The following PCDHA7 variants were observed in gnomAD, a reference collection of about 807,000 sequenced individuals.
PCDHA7 encodes protocadherin alpha-7.
A neutral mutation model predicts 57.2 loss-of-function variants in PCDHA7; 37 were observed. The ratio of observed to expected loss-of-function variants is 0.65; its 90% CI spans 0.50 to 0.85. The LOEUF (loss-of-function observed/expected upper bound fraction) is 0.85, where lower values mean the gene tolerates loss of function less well. Among genes scored for constraint, PCDHA7 ranks in the 40% least tolerant of loss-of-function variants. PCDHA7 has a pLI of 0.00. For missense variants in PCDHA7, 1,188 were observed against 1,241.8 expected (o/e 0.96, Z 0.65); for synonymous variants, 553 against 558.8 (o/e 0.99, Z 0.15).
chr5:140,885,670 C>T (rs1351720729), intron 1 of PCDHA7, among the ~76,000 whole-genome samples: 2 of 152,138 alleles, frequency 1.3e-5, no homozygotes, highest in African/African-American at 4.8e-5. Flanking sequence ...TATGAGCACT[C>T]TTTCTATCTC....
intron 1 of PCDHA7, chr5:140,847,744 C>T (rs1554141887): frequency 6.7e-6 from 1 of 149,678 alleles, no homozygotes; most frequent in Non-Finnish European, 1.5e-5. Flanking sequence ...ATTTTCTCCC[C>T]ACGCAACACA....
chr5:140,834,481 A>G lies in PCDHA7; in HGVS notation c.98A>G (p.Tyr33Cys). The G allele has an allele frequency of 3.7e-6, 6 of 1,614,090 alleles. No individual in the cohort carries two copies. The highest frequency in any genetic ancestry group is 5.1e-6 in the Non-Finnish European group (6 of 1,180,032). Residue 33 changes from tyrosine to cysteine, a missense_variant, in exon 1 of 4, where the codon TAC becomes TGC. Coordinates refer to ENST00000525929, the MANE Select transcript of PCDHA7 (RefSeq NM_018910.3). ...GAGGCAGGGAGAGGCCAGCTCCACT[A>G]CTCGGTCCCCGAGGAGGCTAAACAT... is the stretch of plus-strand genomic sequence containing the variant. Reference protein sequence around the residue: ...AWEAGRGQLHYSVPEEAKHGN... With the variant: ...AWEAGRGQLHCSVPEEAKHGN...
chr5:141,008,362 G>A (rs2098372939), intron 3 of PCDHA7, among the ~76,000 whole-genome samples: 1 of 152,172 alleles, frequency 6.6e-6, no homozygotes, highest in Non-Finnish European at 1.5e-5. Flanking sequence ...AACCAAAGGA[G>A]CAGTGTTAGA....
intron 3 of PCDHA7, among the ~76,000 whole-genome samples, chr5:140,999,514 A>G (rs782202425): frequency 1.4e-4 from 22 of 152,210 alleles, no homozygotes; most frequent in Non-Finnish European, 1.0e-4. Context: ...CATTTTAAGC[A>G]TTTTGTTACC....
intron 1 of PCDHA7, among the ~76,000 whole-genome samples, chr5:140,837,632 C>CCTTCCTTT (rs562891235): frequency 2.0e-5 from 3 of 151,106 alleles, no homozygotes; most frequent in Non-Finnish European, 4.4e-5. Flanking sequence ...TTCCTTCCTT[C>CCTTCCTTT]CTTTCTTTCT....
chr5:140,927,478 C>T (rs959432734), intron 1 of PCDHA7: 12 of 1,613,944 alleles, frequency 7.4e-6, no homozygotes, highest in African/African-American at 1.3e-5. Flanking sequence ...TCGCGAACAG[C>T]GCGCCACCCA....
At chr5:140,937,070 C>G (rs1363778213) in intron 1 of PCDHA7, among the ~76,000 whole-genome samples, 2 of 147,796 alleles carry the variant, frequency 1.4e-5, no homozygotes, top group Admixed American at 1.4e-4. Context: ...CGGAGTCTCG[C>G]TCTGTCGCCC....
intron 1 of PCDHA7, among the ~76,000 whole-genome samples, chr5:140,973,394 A>C (rs1263015635): frequency 6.6e-6 from 1 of 152,244 alleles, no homozygotes; most frequent in African/African-American, 2.4e-5. Flanking sequence ...CAAAGAAATC[A>C]TATCTATGAG....
At chr5:140,852,398 C>T (rs150537989) in intron 1 of PCDHA7, 9,331 of 183,690 alleles carry the variant, frequency 0.051, 796 homozygotes, top group Middle Eastern at 0.071. Context: ...CTGCCTCAGC[C>T]TCCTGAGTAG....
chr5:140,844,185 T>G (rs1554140558), intron 1 of PCDHA7, among the ~76,000 whole-genome samples: 2 of 149,886 alleles, frequency 1.3e-5, no homozygotes, highest in Non-Finnish European at 3.0e-5. Flanking sequence ...TTTATTCATC[T>G]TATCTGACTT....
At chr5:140,856,951 A>G in intron 1 of PCDHA7, 2 of 1,593,156 alleles carry the variant, frequency 1.3e-6, no homozygotes, top group Non-Finnish European at 1.7e-6. Context: ...CGGGAGAAAT[A>G]AAAGTAAATG....
At chr5:140,985,682 C>T (rs1261119986) in intron 3 of PCDHA7, among the ~76,000 whole-genome samples, 3 of 151,710 alleles carry the variant, frequency 2.0e-5, no homozygotes, top group African/African-American at 4.8e-5. Flanking sequence ...GCCTGCCTTA[C>T]GCTAATCCTC....
Position 140,899,097 on chromosome 5 carries a change from T to C in PCDHA7, c.2355+62359T>C, listed in dbSNP as rs1160754058. Among the ~76,000 whole-genome samples the C allele has an allele frequency of 9.8e-3, 1,481 of 151,828 alleles. 12 individuals carry two copies. The highest frequency in any genetic ancestry group is 0.026 in the African/African-American group (1,065 of 41,212). ...AGCTTAAGGAGATTTTGGGCTGAGATAATGGGGTTTTCTAGATATACAATC... is the reference window on the plus strand; with the variant it reads ...AGCTTAAGGAGATTTTGGGCTGAGACAATGGGGTTTTCTAGATATACAATC... On this transcript the variant is annotated intron_variant, in intron 1 of 3. Transcript: ENST00000525929.
At position 140,878,940 on chromosome 5, in the gene PCDHA7, A is replaced by G. The variant is rs554609702; in HGVS notation, c.2355+42202A>G. ...CTTCAATCAATAATTTTAAATAAATATATGGTATTGAAATGTATTACCTGG... is the reference window on the plus strand; with the variant it reads ...CTTCAATCAATAATTTTAAATAAATGTATGGTATTGAAATGTATTACCTGG... On this transcript the variant is annotated intron_variant, in intron 1 of 3. Transcript: ENST00000525929. 9.8e-5 allele frequency among the ~76,000 whole-genome samples: 15 copies of G among 152,366 alleles called. No individual in the cohort carries two copies. In the East Asian group the frequency reaches 2.3e-3, roughly 23 times the overall value.
In PCDHA7 at chr5:141,011,628, A is replaced by G. The variant is rs568783669; in HGVS notation, c.*1691A>G. On this transcript the variant is annotated 3_prime_UTR_variant, in exon 4 of 4. Coordinates refer to ENST00000525929, the MANE Select transcript of PCDHA7 (RefSeq NM_018910.3). ...TTTATTTATGGTCCAGCCAAGAGCC[A>G]TCTCGTGCCAAGACTTCTGCTGGCA... is the stretch of plus-strand genomic sequence containing the variant. The G allele has an allele frequency of 6.5e-6, 1 of 153,882 alleles. No homozygotes were observed. Among genetic ancestry groups the G allele is most frequent in the East Asian group, 1.9e-4 (1 of 5,186 alleles). 9.5% of individuals were successfully genotyped at this position (153,882 alleles called of 1,614,324 possible).
intron 1 of PCDHA7, among the ~76,000 whole-genome samples, chr5:140,958,321 AAAAT>A: frequency 1.3e-5 from 2 of 152,256 alleles, no homozygotes; most frequent in Middle Eastern, 6.8e-3. Context: ...TAGAGCTCAA[AAAAT>A]AAATAAATCA....
intron 1 of PCDHA7, chr5:140,851,749 A>C (rs2042149157): frequency 1.0e-6 from 1 of 971,858 alleles, no homozygotes; most frequent in African/African-American, 1.8e-5. Context: ...CAGAGTCTGT[A>C]ACTTAAAACA....
chr5:140,850,333 C>G lies in PCDHA7; in HGVS notation c.2355+13595C>G, dbSNP rs2150480069. 3.1e-6 allele frequency: 5 copies of G among 1,597,624 alleles called. 1 individual carries two copies. The highest frequency in any genetic ancestry group is 4.3e-6 in the Non-Finnish European group (5 of 1,167,680). ...GCGTGGCTTTCATACGAGCTGCAGC[C>G]AGAAACGGCCAGCGCGAGCATCCCG... On this transcript the variant is annotated intron_variant, in intron 1 of 3. Coordinates refer to ENST00000525929, the MANE Select transcript of PCDHA7 (RefSeq NM_018910.3).
intron 1 of PCDHA7, chr5:140,842,893 C>T: frequency 6.3e-7 from 1 of 1,594,312 alleles, no homozygotes; most frequent in Non-Finnish European, 8.6e-7. Context: ...AGCCGCTGGA[C>T]CACGAGGAGC....
Sources: gnomAD v4.1 joint callset for allele counts (sites outside exome capture counted in the v4.1 genomes callset) on GRCh38, gnomAD v4.1.1 for gene constraint, MANE v1.5 for transcripts, NCBI Gene and HGNC (gene_info 2026-07-23, HGNC 2026-07-21) for gene names.